The following DPY19L4 variants were observed in gnomAD, a reference collection of about 807,000 sequenced individuals.
The protein encoded by DPY19L4 is dpy-19 like 4, also known as probable C-mannosyltransferase DPY19L4.
DPY19L4 carries 97 observed loss-of-function variants against 102.8 expected under a neutral mutation model. The observed-to-expected ratio is 0.94, with a 90% CI of 0.80 to 1.12. DPY19L4 has a LOEUF of 1.12. Among genes scored for constraint, DPY19L4 ranks in the 50% most tolerant of loss-of-function variants. DPY19L4 has a pLI of 0.00. For synonymous variants in DPY19L4, 252 were observed against 283.1 expected (o/e 0.89, Z 1.10); for missense variants, 815 against 850.4 (o/e 0.96, Z 0.52).
chr8:94,788,647 G>A (rs566149765), intron 18 of DPY19L4, among the ~76,000 whole-genome samples: 67 of 151,856 alleles, frequency 4.4e-4, no homozygotes, highest in African/African-American at 1.3e-3. Flanking sequence ...ACGCACGCGC[G>A]CGCGCATGTG....
chr8:94,742,455 C>T (rs1372202793), intron 6 of DPY19L4, among the ~76,000 whole-genome samples: 1 of 152,058 alleles, frequency 6.6e-6, no homozygotes, highest in African/African-American at 2.4e-5. Context: ...TGCAATGGCA[C>T]GATCTTGGCT....
intron 18 of DPY19L4, among the ~76,000 whole-genome samples, chr8:94,788,729 T>G (rs562746610): frequency 1.1e-4 from 17 of 152,196 alleles, no homozygotes; most frequent in Non-Finnish European, 1.8e-4. Context: ...CTAGCTGGAA[T>G]GGATTCTTGA....
chr8:94,756,305 G>A (rs1812161810), intron 7 of DPY19L4, 146 bp downstream of exon 7: 1 of 1,130,364 alleles, frequency 8.8e-7, no homozygotes, highest in African/African-American at 1.6e-5. Flanking sequence ...ATATAGTTAG[G>A]TAGTTTTCTT....
chr8:94,775,221 G>T (rs1047402330), intron 13 of DPY19L4, among the ~76,000 whole-genome samples: 1 of 150,322 alleles, frequency 6.7e-6, no homozygotes, highest in African/African-American at 2.5e-5. Context: ...TTCTCTTGCC[G>T]AGGCTGGAGG....
intron 1 of DPY19L4, chr8:94,720,337 G>A: frequency 1.1e-6 from 1 of 891,922 alleles, no homozygotes; most frequent in Non-Finnish European, 1.3e-6. Flanking sequence ...GAAGTGGGAG[G>A]CGCAGTTTGG....
chr8:94,747,750 TG>T (rs1305568600), intron 6 of DPY19L4, among the ~76,000 whole-genome samples: 3 of 151,856 alleles, frequency 2.0e-5, no homozygotes, highest in African/African-American at 7.3e-5. Context: ...TTAGTAGAGA[TG>T]GGGTTTCACC....
rs974329391 is a variant in DPY19L4 at position 94,766,486 on chromosome 8, G to A, written c.1102-126G>A. On this transcript the variant is annotated intron_variant, in intron 10 of 18. Transcript: ENST00000414645. The stretch of plus-strand genomic sequence containing the variant: ...AATCTCCTTGCTTCATAGTCATACC[G>A]TATATTATTTATTCATATTTTTGTT... The A allele has an allele frequency of 7.4e-5, 56 of 756,318 alleles. No individual in the cohort carries two copies. In the East Asian group the frequency reaches 7.9e-4, roughly 11 times the overall value. 46.9% of individuals were successfully genotyped at this position (756,318 alleles called of 1,614,324 possible). A position where few individuals can be genotyped will look rare whatever the true frequency, so the allele number is the denominator to read the frequency against.
chr8:94,767,317 G>A (rs1314327172), intron 11 of DPY19L4, among the ~76,000 whole-genome samples: 13 of 130,340 alleles, frequency 1.0e-4, no homozygotes, highest in African/African-American at 3.4e-4. Flanking sequence ...TTTTTGAGAT[G>A]GAGTCTTACT....
intron 6 of DPY19L4, among the ~76,000 whole-genome samples, chr8:94,749,853 G>A (rs959266442): frequency 2.6e-5 from 4 of 152,204 alleles, no homozygotes; most frequent in Middle Eastern, 3.4e-3. Context: ...AACCAAATCT[G>A]GAAAATAAAT....
At chr8:94,743,729 C>T (rs145795655) in intron 6 of DPY19L4, among the ~76,000 whole-genome samples, 196 of 152,122 alleles carry the variant, frequency 1.3e-3, no homozygotes, top group African/African-American at 4.3e-3. Flanking sequence ...TTCTTGGCTG[C>T]GTGCAGTGGC....
At chr8:94,779,119 A>T (rs899161522) in intron 14 of DPY19L4, among the ~76,000 whole-genome samples, 32 of 152,210 alleles carry the variant, frequency 2.1e-4, no homozygotes, top group East Asian at 5.8e-4. Flanking sequence ...GAGTGGCTAG[A>T]AGTAATTGAA....
intron 17 of DPY19L4, among the ~76,000 whole-genome samples, chr8:94,787,626 G>A (rs1466029369): frequency 2.0e-5 from 3 of 152,020 alleles, no homozygotes; most frequent in African/African-American, 7.2e-5. Flanking sequence ...AGACTGAAAA[G>A]CTTTATTATC....
At chr8:94,745,561 G>A (rs1038659095) in intron 6 of DPY19L4, among the ~76,000 whole-genome samples, 8 of 152,122 alleles carry the variant, frequency 5.3e-5, no homozygotes, top group African/African-American at 1.7e-4. Context: ...AGATACAATT[G>A]GCAGACAATA....
chr8:94,766,532 C>A, intron 10 of DPY19L4, 80 bp from the exon 11 acceptor site: 1 of 1,312,056 alleles, frequency 7.6e-7, no homozygotes, highest in Non-Finnish European at 1.1e-6. Flanking sequence ...GTTGTGTTTT[C>A]TGTCTCTAGT....
intron 17 of DPY19L4, among the ~76,000 whole-genome samples, chr8:94,784,210 A>G (rs1813557093): frequency 6.7e-6 from 1 of 149,282 alleles, no homozygotes; most frequent in Non-Finnish European, 1.5e-5. Context: ...CTAGGATTAT[A>G]GGCACTCACC....
At chr8:94,749,542 T>A (rs760741347) in intron 6 of DPY19L4, among the ~76,000 whole-genome samples, 32 of 152,242 alleles carry the variant, frequency 2.1e-4, no homozygotes, top group Non-Finnish European at 4.0e-4. Flanking sequence ...ACTCTAAACT[T>A]AACTCGATTG....
At chr8:94,781,237 C>A in intron 16 of DPY19L4, 71 bp downstream of exon 16, 1 of 1,238,232 alleles carries the variant, frequency 8.1e-7, no homozygotes. Flanking sequence ...AATGAATTCA[C>A]AGGAAATAAT....
At chr8:94,766,375 CA>C (rs1268254620) in intron 10 of DPY19L4, among the ~76,000 whole-genome samples, 1 of 150,032 alleles carries the variant, frequency 6.7e-6, no homozygotes, top group South Asian at 2.1e-4. Context: ...AACTCTGTCT[CA>C]AAAAAAAAGA....
intron 16 of DPY19L4, among the ~76,000 whole-genome samples, chr8:94,783,275 AGGT>A (rs1194851949): frequency 6.6e-6 from 1 of 150,548 alleles, no homozygotes; most frequent in African/African-American, 2.5e-5. Flanking sequence ...GCTGGGTTGT[AGGT>A]GGTTAATTTG....
Sources: gnomAD v4.1 joint callset for allele counts (sites outside exome capture counted in the v4.1 genomes callset) on GRCh38, gnomAD v4.1.1 for gene constraint, MANE v1.5 for transcripts, NCBI Gene and HGNC (gene_info 2026-07-23, HGNC 2026-07-21) for gene names.